The following ST3GAL3 variants were observed in gnomAD, a reference collection of about 807,000 sequenced individuals.
ST3GAL3 encodes ST3 beta-galactoside alpha-2,3-sialyltransferase 3.
A neutral mutation model predicts 50.1 loss-of-function variants in ST3GAL3; 21 were observed. The observed-to-expected ratio is 0.42, with a 90% CI of 0.30 to 0.60. The LOEUF (loss-of-function observed/expected upper bound fraction) is 0.60. Among genes scored for constraint, ST3GAL3 ranks in the 20% least tolerant of loss-of-function variants. ST3GAL3 has a pLI of 0.19. For synonymous variants in ST3GAL3, 183 were observed against 190.0 expected, an observed-to-expected ratio of 0.96 and a Z score of 0.30; for missense variants, 353 against 489.4, an observed-to-expected ratio of 0.72 and a Z score of 2.63.
chr1:43,757,130 C>A (rs1381275047), intron 2 of ST3GAL3, among the ~76,000 whole-genome samples: 1 of 152,058 alleles, frequency 6.6e-6, no homozygotes, highest in African/African-American at 2.4e-5. Context: ...GTCTCAAACT[C>A]CTGACCTCAA....
chr1:43,771,995 C>A, intron 2 of ST3GAL3: 1 of 396,306 alleles, frequency 2.5e-6, no homozygotes, highest in African/African-American at 2.1e-5. Context: ...GAGAAGTCAA[C>A]TGACTTGAAA....
intron 1 of ST3GAL3, among the ~76,000 whole-genome samples, chr1:43,728,582 A>G (rs2154081021): frequency 6.6e-6 from 1 of 152,270 alleles, no homozygotes; most frequent in Admixed American, 6.5e-5. Flanking sequence ...CTGTTGCCAC[A>G]AAAAGTTAAA....
intron 2 of ST3GAL3, among the ~76,000 whole-genome samples, chr1:43,757,405 C>T (rs1688533260): frequency 6.6e-6 from 1 of 152,160 alleles, no homozygotes; most frequent in African/African-American, 2.4e-5. Context: ...GCTTTCAAAA[C>T]TTATCATAAA....
Position 43,920,790 on chromosome 1 carries a change from T to C in ST3GAL3, c.900T>C (p.Pro300=), listed in dbSNP as rs563317319. ...NNGLMGRGNI[P]TLGSVAVTMA... ...CTGCCCCCGTCTTCTAGAACATCCCTACCCTTGGCAGTGTGGCAGTGACCA... is the reference window on the plus strand; with the variant it reads ...CTGCCCCCGTCTTCTAGAACATCCCCACCCTTGGCAGTGTGGCAGTGACCA... The change falls in exon 11 of 12, where the codon CCT becomes CCC. Residue 300 remains proline, a synonymous_variant. Coordinates refer to ENST00000347631, the MANE Select transcript of ST3GAL3 (RefSeq NM_006279.5). 2.1e-5 allele frequency: 34 copies of C among 1,614,018 alleles called. No homozygotes were observed. In the African/African-American group the frequency reaches 2.7e-4, roughly 13 times the overall value.
chr1:43,810,667 C>G (rs2060453438), intron 3 of ST3GAL3, among the ~76,000 whole-genome samples: 2 of 152,184 alleles, frequency 1.3e-5, no homozygotes, highest in African/African-American at 4.8e-5. Flanking sequence ...TATCCTCAGT[C>G]TCTGTGACTA....
intron 5 of ST3GAL3, chr1:43,850,558 G>T: frequency 1.4e-6 from 1 of 711,270 alleles, no homozygotes; most frequent in Non-Finnish European, 2.6e-6. Flanking sequence ...CCACTGGGCC[G>T]TAGAGTGTTT....
chr1:43,723,838 C>T (rs1457314694), intron 1 of ST3GAL3, among the ~76,000 whole-genome samples: 1 of 152,126 alleles, frequency 6.6e-6, no homozygotes, highest in Non-Finnish European at 1.5e-5. Flanking sequence ...TCTCGAACTC[C>T]TGACCTCAGG....
intron 9 of ST3GAL3, among the ~76,000 whole-genome samples, chr1:43,918,306 C>A (rs1156532353): frequency 6.6e-6 from 1 of 151,816 alleles, no homozygotes; most frequent in Non-Finnish European, 1.5e-5. Flanking sequence ...TCTATAGAGA[C>A]AGGGTTTCTC....
intron 11 of ST3GAL3, among the ~76,000 whole-genome samples, chr1:43,927,054 G>A (rs2084112597): frequency 6.6e-6 from 1 of 152,148 alleles, no homozygotes; most frequent in Non-Finnish European, 1.5e-5. Flanking sequence ...TTCAGGCCGG[G>A]CGTGGTGGCT....
At chr1:43,829,208 C>T (rs2063211993) in intron 4 of ST3GAL3, among the ~76,000 whole-genome samples, 1 of 152,058 alleles carries the variant, frequency 6.6e-6, no homozygotes, top group East Asian at 1.9e-4. Context: ...GCTCTATATT[C>T]AAATCTTCCT....
chr1:43,860,903 C>A (rs2069751012), intron 5 of ST3GAL3, among the ~76,000 whole-genome samples: 1 of 152,214 alleles, frequency 6.6e-6, no homozygotes, highest in African/African-American at 2.4e-5. Context: ...TGAGCTGAGG[C>A]AAAAGTGGTC....
intron 9 of ST3GAL3, among the ~76,000 whole-genome samples, chr1:43,904,363 C>A (rs2078787418): frequency 6.6e-6 from 1 of 152,056 alleles, no homozygotes; most frequent in South Asian, 2.1e-4. Context: ...GTGCAGGCCT[C>A]CTGCTCCCGA....
At chr1:43,876,951 C>T (rs1021590893) in intron 5 of ST3GAL3, among the ~76,000 whole-genome samples, 2 of 152,182 alleles carry the variant, frequency 1.3e-5, no homozygotes, top group African/African-American at 2.4e-5. Flanking sequence ...GCCCAGGAGG[C>T]GAGCAGAGGT....
chr1:43,751,740 A>T (rs554328731), intron 2 of ST3GAL3, among the ~76,000 whole-genome samples: 1 of 152,348 alleles, frequency 6.6e-6, no homozygotes, highest in South Asian at 2.1e-4. Context: ...TCTTTGGGAT[A>T]GAAAGATGAA....
In ST3GAL3 at chr1:43,855,471, A is replaced by G. The variant is rs184084606; in HGVS notation, c.302+17160A>G. ...CTAAAAATACAGAAATTAGCCAGTCATGGTGGTGGGCACCTGTAATCCCAA... is the reference window on the plus strand; with the variant it reads ...CTAAAAATACAGAAATTAGCCAGTCGTGGTGGTGGGCACCTGTAATCCCAA... On this transcript the variant is annotated intron_variant, in intron 5 of 11. Coordinates refer to ENST00000347631, the MANE Select transcript of ST3GAL3 (RefSeq NM_006279.5). 1.0e-3 allele frequency among the ~76,000 whole-genome samples: 159 copies of G among 152,202 alleles called. 1 individual carries two copies. The highest frequency in any genetic ancestry group is 3.7e-3 in the African/African-American group (153 of 41,532).
intron 3 of ST3GAL3, among the ~76,000 whole-genome samples, chr1:43,792,610 A>G (rs1307790820): frequency 6.6e-6 from 1 of 152,182 alleles, no homozygotes; most frequent in Non-Finnish European, 1.5e-5. Context: ...CATATATTCA[A>G]ATACAGACCT....
intron 2 of ST3GAL3, among the ~76,000 whole-genome samples, chr1:43,781,586 G>A (rs900909504): frequency 9.2e-5 from 14 of 151,548 alleles, no homozygotes; most frequent in Non-Finnish European, 1.8e-4. Flanking sequence ...ACTCCAGCCT[G>A]GGTGGCAGAG....
intron 2 of ST3GAL3, among the ~76,000 whole-genome samples, chr1:43,790,780 C>T (rs1006457804): frequency 3.3e-5 from 5 of 151,598 alleles, no homozygotes; most frequent in African/African-American, 4.8e-5. Context: ...TACAGGCACG[C>T]GTACCACGCC....
intron 1 of ST3GAL3, among the ~76,000 whole-genome samples, chr1:43,734,793 C>T (rs1007563576): frequency 6.6e-6 from 1 of 151,998 alleles, no homozygotes; most frequent in Non-Finnish European, 1.5e-5. Flanking sequence ...TTTGTCACAC[C>T]ATTATTAATA....
Sources: gnomAD v4.1 joint callset for allele counts (sites outside exome capture counted in the v4.1 genomes callset) on GRCh38, gnomAD v4.1.1 for gene constraint, MANE v1.5 for transcripts, NCBI Gene and HGNC (gene_info 2026-07-23, HGNC 2026-07-21) for gene names.